The following NOCT variants were observed in gnomAD, a reference collection of about 807,000 sequenced individuals.
NOCT encodes the protein CCR4 carbon catabolite repression 4-like.
A neutral mutation model predicts 35.0 loss-of-function variants in NOCT; 18 were observed. The ratio of observed to expected loss-of-function variants is 0.51; its 90% CI spans 0.36 to 0.76. The LOEUF (loss-of-function observed/expected upper bound fraction) is 0.76, where lower values mean the gene tolerates loss of function less well. Among genes scored for constraint, NOCT ranks in the 30% least tolerant of loss-of-function variants. The pLI is 0.01. For synonymous variants in NOCT, 235 were observed against 226.3 expected, an observed-to-expected ratio of 1.04 and a Z score of -0.34; for missense variants, 479 against 541.0, an observed-to-expected ratio of 0.89 and a Z score of 1.14.
intron 1 of NOCT, among the ~76,000 whole-genome samples, chr4:139,030,829 T>G (rs1409700854): frequency 6.6e-6 from 1 of 152,144 alleles, no homozygotes; most frequent in East Asian, 1.9e-4. Context: ...GATGGCAGCA[T>G]TGGATTGCTG....
intron 1 of NOCT, among the ~76,000 whole-genome samples, chr4:139,031,209 G>A (rs1726617383): frequency 6.6e-6 from 1 of 151,908 alleles, no homozygotes; most frequent in Non-Finnish European, 1.5e-5. Context: ...GAGTGCAGTG[G>A]CGCGATCTCA....
At chr4:139,040,320 T>TTGAGACACCGCGCCCAGCC (rs1318077721) in intron 1 of NOCT, among the ~76,000 whole-genome samples, 1 of 151,522 alleles carries the variant, frequency 6.6e-6, no homozygotes, top group African/African-American at 2.4e-5. Context: ...GATTACAGGC[T>TTGAGACACCGCGCCCAGCC]TGAGACACCG....
In NOCT at chr4:139,033,577, C is replaced by G. The variant is rs182293139; in HGVS notation, c.191-9497C>G. 7.5e-4 allele frequency among the ~76,000 whole-genome samples: 114 copies of G among 151,646 alleles called. 2 individuals carry two copies. Among genetic ancestry groups the G allele is most frequent in the Non-Finnish European group, 4.4e-5 (3 of 67,952 alleles). Reference sequence around the variant, plus strand: ...ATCATCCCAGCTGCTTAGGCTGAGGCAGGAGGATTGCCTGAGTCCAGAAGT... The same window carrying G: ...ATCATCCCAGCTGCTTAGGCTGAGGGAGGAGGATTGCCTGAGTCCAGAAGT... On this transcript the variant is annotated intron_variant, in intron 1 of 2. Coordinates refer to ENST00000280614, the MANE Select transcript of NOCT (RefSeq NM_012118.4).
At chr4:139,018,365 C>G (rs1726353110) in intron 1 of NOCT, among the ~76,000 whole-genome samples, 2 of 152,154 alleles carry the variant, frequency 1.3e-5, no homozygotes. Context: ...TGAGTAATTA[C>G]TGTTATCTGA....
In NOCT at chr4:139,045,603, G is replaced by A. The variant is rs188543771; in HGVS notation, c.*129G>A. 5.2e-4 allele frequency: 278 copies of A among 538,908 alleles called. 2 individuals are homozygous for A. The highest frequency in any genetic ancestry group is 3.1e-3 in the Middle Eastern group (6 of 1,948). 33.4% of individuals were successfully genotyped at this position (538,908 alleles called of 1,614,324 possible). ...CTGATCTCGGCTCACTGCAAGATCC[G>A]CCTCCCGGGTTCATGGCATTCTCCT... On this transcript the variant is annotated 3_prime_UTR_variant, in exon 3 of 3. Transcript: ENST00000280614.
chr4:139,031,153 T>G (rs1726616160), intron 1 of NOCT, among the ~76,000 whole-genome samples: 1 of 150,812 alleles, frequency 6.6e-6, no homozygotes, highest in Admixed American at 6.6e-5. Context: ...GTGACTGCTT[T>G]CTTTTTTTTT....
At chr4:139,021,479 G>A (rs563598567) in intron 1 of NOCT, among the ~76,000 whole-genome samples, 92 of 152,046 alleles carry the variant, frequency 6.1e-4, no homozygotes, top group African/African-American at 9.6e-4. Flanking sequence ...TGAGCTGGGC[G>A]TGGTGGCACG....
intron 2 of NOCT, 151 bp from the exon 3 acceptor site, chr4:139,044,488 T>A: frequency 1.7e-6 from 1 of 585,560 alleles, no homozygotes; most frequent in Non-Finnish European, 3.0e-6. Flanking sequence ...TGATTTAGTT[T>A]GGATGGGGTA....
chr4:139,021,918 C>T (rs1726422426), intron 1 of NOCT, among the ~76,000 whole-genome samples: 1 of 152,006 alleles, frequency 6.6e-6, no homozygotes, highest in African/African-American at 2.4e-5. Context: ...GCCACCATGC[C>T]CGGCTAATTT....
rs552790725 is a variant in NOCT at position 139,023,737 on chromosome 4, A to T, written c.190+7566A>T. Among the ~76,000 whole-genome samples, 1,048 of 152,222 alleles carry T rather than the reference A, an allele frequency of 6.9e-3. 9 individuals are homozygous for T. Among genetic ancestry groups the T allele is most frequent in the Non-Finnish European group, 9.4e-3 (639 of 68,010 alleles). ...GTTCTCGAACTCCTGACCTCAGGTG[A>T]TACACCCGCCTCGGCCTCTCAAAGT... On this transcript the variant is annotated intron_variant, in intron 1 of 2. Transcript: ENST00000280614.
At chr4:139,044,575 C>G (rs932194510) in intron 2 of NOCT, 64 bp from the exon 3 acceptor site, 8 of 1,035,310 alleles carry the variant, frequency 7.7e-6, no homozygotes, top group Non-Finnish European at 1.2e-5. Flanking sequence ...GATGCCAAAC[C>G]TCCTGGGTAC....
intron 1 of NOCT, among the ~76,000 whole-genome samples, chr4:139,032,368 T>G (rs10212985): frequency 0.97 from 147,112 of 152,296 alleles, 71,147 homozygotes; most frequent in Middle Eastern, 0.99. Flanking sequence ...CATTGAGAGT[T>G]ATGGCTGGCC....
intron 1 of NOCT, among the ~76,000 whole-genome samples, chr4:139,033,820 C>T (rs374930858): frequency 2.0e-5 from 3 of 151,868 alleles, no homozygotes; most frequent in African/African-American, 7.3e-5. Context: ...CTGCAACTTC[C>T]ACCTCCCAGG....
At chr4:139,043,784 G>A (rs1192345952) in intron 2 of NOCT, 10 of 154,556 alleles carry the variant, frequency 6.5e-5, no homozygotes, top group South Asian at 2.0e-4. Flanking sequence ...GTGTGGTGGC[G>A]CATGCCTGTA....
intron 1 of NOCT, among the ~76,000 whole-genome samples, chr4:139,036,428 A>T (rs919815695): frequency 2.0e-5 from 3 of 152,176 alleles, no homozygotes; most frequent in African/African-American, 7.2e-5. Context: ...ATGAATGAAC[A>T]GTCGTATGTG....
At chr4:139,016,866 G>A (rs955436439) in intron 1 of NOCT, among the ~76,000 whole-genome samples, 6 of 151,540 alleles carry the variant, frequency 4.0e-5, no homozygotes, top group African/African-American at 1.5e-4. Flanking sequence ...TTTTGGCCAG[G>A]CTGGTCTTGA....
intron 1 of NOCT, among the ~76,000 whole-genome samples, chr4:139,029,840 T>A (rs905974192): frequency 1.3e-5 from 2 of 152,204 alleles, no homozygotes; most frequent in African/African-American, 4.8e-5. Context: ...GTTTGAGTTT[T>A]GATTTTCTAG....
At chr4:139,020,213 C>T (rs976009344) in intron 1 of NOCT, among the ~76,000 whole-genome samples, 3 of 152,202 alleles carry the variant, frequency 2.0e-5, no homozygotes, top group Non-Finnish European at 4.4e-5. Flanking sequence ...ATTTGTAAAT[C>T]ATTTAACCTT....
intron 1 of NOCT, among the ~76,000 whole-genome samples, chr4:139,023,558 C>T (rs774327178): frequency 5.9e-5 from 9 of 152,088 alleles, no homozygotes; most frequent in Non-Finnish European, 8.8e-5. Context: ...TACGATGGCG[C>T]GATGTCAGCT....
Sources: allele counts gnomAD v4.1 joint callset (sites outside exome capture counted in the v4.1 genomes callset), GRCh38; gene constraint gnomAD v4.1.1; transcripts MANE v1.5; gene names NCBI Gene and HGNC (gene_info 2026-07-23, HGNC 2026-07-21).